Variants in MARCHF11 observed in about 807,000 individuals in gnomAD.
MARCHF11 encodes membrane associated ring-CH-type finger 11, also known as E3 ubiquitin-protein ligase MARCHF11.
Under a neutral mutation model 37.3 loss-of-function variants are expected in MARCHF11, and 29 were observed. The observed-to-expected ratio is 0.78, with a 90% CI of 0.58 to 1.06. MARCHF11 has a LOEUF of 1.06. Among genes scored for constraint, MARCHF11 ranks in the 50% least tolerant of loss-of-function variants. The pLI is 0.00. For synonymous variants in MARCHF11, 233 were observed against 228.0 expected (o/e 1.02, Z -0.20); for missense variants, 482 against 533.4 (o/e 0.90, Z 0.95).
intron 2 of MARCHF11, among the ~76,000 whole-genome samples, chr5:16,134,025 T>C (rs1047025236): frequency 6.6e-6 from 1 of 152,114 alleles, no homozygotes; most frequent in South Asian, 2.1e-4. Context: ...CTCATAAACA[T>C]CATAAACTAG....
At chr5:16,152,639 T>G (rs1245471250) in intron 2 of MARCHF11, among the ~76,000 whole-genome samples, 1 of 151,958 alleles carries the variant, frequency 6.6e-6, no homozygotes, top group Non-Finnish European at 1.5e-5. Flanking sequence ...CCCCAAAGTT[T>G]ATGAAATAAA....
intron 2 of MARCHF11, among the ~76,000 whole-genome samples, chr5:16,121,512 G>A (rs1737309084): frequency 6.6e-6 from 1 of 152,170 alleles, no homozygotes; most frequent in South Asian, 2.1e-4. Flanking sequence ...AACTACTATA[G>A]AGAGATTTAA....
At chr5:16,108,209 G>A (rs887713146) in intron 2 of MARCHF11, among the ~76,000 whole-genome samples, 2 of 152,182 alleles carry the variant, frequency 1.3e-5, no homozygotes, top group Admixed American at 6.5e-5. Flanking sequence ...GAGCTGGAGT[G>A]GGGCTGGGGC....
chr5:16,133,215 G>T (rs1737548803), intron 2 of MARCHF11, among the ~76,000 whole-genome samples: 1 of 152,036 alleles, frequency 6.6e-6, no homozygotes. Flanking sequence ...CCCTTCCCTG[G>T]AATTTGGTGT....
At chr5:16,148,656 T>C (rs1006082563) in intron 2 of MARCHF11, among the ~76,000 whole-genome samples, 1 of 152,196 alleles carries the variant, frequency 6.6e-6, no homozygotes, top group Non-Finnish European at 1.5e-5. Context: ...ATACAGGCTG[T>C]AGCAGCCACA....
At chr5:16,112,129 TG>T (rs1460913990) in intron 2 of MARCHF11, among the ~76,000 whole-genome samples, 1 of 152,164 alleles carries the variant, frequency 6.6e-6, no homozygotes, top group Non-Finnish European at 1.5e-5. Flanking sequence ...AAGGGAAATG[TG>T]GGGTGTGAGC....
intron 2 of MARCHF11, among the ~76,000 whole-genome samples, chr5:16,170,905 G>A (rs1198408969): frequency 1.3e-5 from 2 of 151,686 alleles, no homozygotes; most frequent in African/African-American, 4.8e-5. Context: ...TCTTTGAAAT[G>A]TATTCCAGGA....
At chr5:16,114,660 C>CT (rs35064794) in intron 2 of MARCHF11, among the ~76,000 whole-genome samples, 3,794 of 146,042 alleles carry the variant, frequency 0.026, 167 homozygotes, top group African/African-American at 0.088. Context: ...AGAAGCTTTA[C>CT]TTTTTTTTTT....
intron 2 of MARCHF11, among the ~76,000 whole-genome samples, chr5:16,103,300 G>C (rs1335956643): frequency 1.3e-5 from 2 of 152,162 alleles, no homozygotes; most frequent in African/African-American, 2.4e-5. Flanking sequence ...AGAGACAGCA[G>C]AGGACCTGGA....
At chr5:16,098,953 C>CT (rs1169735310) in intron 2 of MARCHF11, among the ~76,000 whole-genome samples, 4 of 151,906 alleles carry the variant, frequency 2.6e-5, no homozygotes, top group Non-Finnish European at 5.9e-5. Context: ...TCAAAAAGAA[C>CT]TAGATTAGAT....
At chr5:16,080,497 A>C (rs1198636941) in intron 3 of MARCHF11, among the ~76,000 whole-genome samples, 2 of 152,164 alleles carry the variant, frequency 1.3e-5, no homozygotes, top group Non-Finnish European at 2.9e-5. Context: ...CTGGGTGCAC[A>C]CTGGCCACAT....
At chr5:16,129,527 AAATTT>A (rs1237189994) in intron 2 of MARCHF11, among the ~76,000 whole-genome samples, 8 of 152,332 alleles carry the variant, frequency 5.3e-5, no homozygotes, top group South Asian at 2.1e-4. Flanking sequence ...TAGCTATGCC[AAATTT>A]AATTTAACTT....
Position 16,179,110 on chromosome 5 carries a change from C to A in MARCHF11, c.466G>T (p.Asp156Tyr). The A allele has an allele frequency of 6.7e-7, 1 of 1,492,816 alleles. No homozygotes were observed. Among genetic ancestry groups the A allele is most frequent in the Non-Finnish European group, 8.9e-7 (1 of 1,127,926 alleles). 92.5% of individuals were successfully genotyped at this position (1,492,816 alleles called of 1,614,324 possible). Residue 156 changes from aspartate (D) to tyrosine (Y), a missense_variant, in exon 1 of 4, where the codon GAC becomes TAC. Physicochemically the swap from Asp to Tyr is radical, Grantham distance 160. Transcript: ENST00000332432. ...SSRSSSSGGG[D>Y]QRAGHQHQHH... ...TGGTGCTGGTGCCCAGCGCGCTGGTCGCCGCCGCCACTGCTGCTGCTGCGG... is the reference window on the plus strand; with the variant it reads ...TGGTGCTGGTGCCCAGCGCGCTGGTAGCCGCCGCCACTGCTGCTGCTGCGG...
chr5:16,137,651 G>A (rs909202196), intron 2 of MARCHF11, among the ~76,000 whole-genome samples: 46 of 152,300 alleles, frequency 3.0e-4, no homozygotes, highest in East Asian at 3.9e-4. Context: ...AGAAGAAGAC[G>A]GGATGATGTG....
At chr5:16,074,759 T>G (rs1360778956) in intron 3 of MARCHF11, among the ~76,000 whole-genome samples, 1 of 152,186 alleles carries the variant, frequency 6.6e-6, no homozygotes, top group African/African-American at 2.4e-5. Flanking sequence ...ACAAAGGGGC[T>G]GGTTAATTTC....
At chr5:16,146,576 G>A (rs763100671) in intron 2 of MARCHF11, among the ~76,000 whole-genome samples, 36 of 152,138 alleles carry the variant, frequency 2.4e-4, no homozygotes, top group African/African-American at 4.8e-5. Flanking sequence ...ATGACCTTGG[G>A]AGTTTGGAGT....
chr5:16,089,072 C>A (rs1378165853), intron 3 of MARCHF11, among the ~76,000 whole-genome samples: 2 of 151,646 alleles, frequency 1.3e-5, no homozygotes, highest in African/African-American at 2.4e-5. Flanking sequence ...GACATAATAA[C>A]TCAGCACTAA....
intron 2 of MARCHF11, among the ~76,000 whole-genome samples, chr5:16,126,740 C>T (rs982943999): frequency 6.6e-6 from 1 of 152,174 alleles, no homozygotes; most frequent in African/African-American, 2.4e-5. Flanking sequence ...GGTTAAGATT[C>T]TAATGAGTGC....
At position 16,163,179 on chromosome 5, in the gene MARCHF11, T is replaced by C. The variant is rs574164931; in HGVS notation, c.693+14547A>G. ...GAGGTGCAGAAGAAGCAACTGACTA[T>C]GAATGGCAATAAGAACTCCGGTTTA... On this transcript the variant is annotated intron_variant, in intron 2 of 3. Coordinates refer to ENST00000332432, the MANE Select transcript of MARCHF11 (RefSeq NM_001102562.3). Among the ~76,000 whole-genome samples the C allele has an allele frequency of 8.9e-5, 5 of 55,894 alleles. No individual in the cohort carries two copies. The East Asian group carries it at 3.0e-3, about 34-fold the overall frequency. 36.7% of individuals were successfully genotyped at this position (55,894 alleles called of 152,430 possible).
Sources: gnomAD v4.1 joint callset for allele counts (sites outside exome capture counted in the v4.1 genomes callset) on GRCh38, gnomAD v4.1.1 for gene constraint, MANE v1.5 for transcripts, NCBI Gene and HGNC (gene_info 2026-07-23, HGNC 2026-07-21) for gene names.